ANKH: variants seen among roughly 807,000 people sequenced by gnomAD.
The protein encoded by ANKH is ANKH inorganic pyrophosphate transport regulator.
Under a neutral mutation model 49.0 loss-of-function variants are expected in ANKH, and 15 were observed. The ratio of observed to expected loss-of-function variants is 0.31; its 90% CI spans 0.20 to 0.47. ANKH has a LOEUF of 0.47. Ranked by LOEUF, ANKH falls within the 20% of genes least tolerant of loss-of-function variation. The pLI is 1.00. For missense variants in ANKH, 429 were observed against 652.0 expected (o/e 0.66, Z 3.72); for synonymous variants, 273 against 260.0 (o/e 1.05, Z -0.48).
intron 1 of ANKH, among the ~76,000 whole-genome samples, chr5:14,814,781 G>A (rs909231857): frequency 3.3e-5 from 5 of 152,290 alleles, no homozygotes; most frequent in African/African-American, 1.2e-4. Flanking sequence ...TCTATCTGAG[G>A]AGGGCACACT....
At chr5:14,781,045 A>G (rs760784796) in intron 1 of ANKH, among the ~76,000 whole-genome samples, 1 of 152,166 alleles carries the variant, frequency 6.6e-6, no homozygotes, top group Non-Finnish European at 1.5e-5. Context: ...AGAATCAGCA[A>G]TTTCGGATTT....
At position 14,709,903 on chromosome 5, in the gene ANKH, T is replaced by G. The variant is rs1305399749; in HGVS notation, c.*1294A>C. ...ATTACATAACATATACAGCATATAT[T>G]TATATCTTTAAAATATTTTTTTTTT... is the stretch of plus-strand genomic sequence containing the variant. On this transcript the variant is annotated 3_prime_UTR_variant, in exon 12 of 12. Coordinates refer to ENST00000284268, the MANE Select transcript of ANKH (RefSeq NM_054027.6). 1 of 152,602 alleles carries G rather than the reference T, an allele frequency of 6.6e-6. No individual in the cohort carries two copies. Among genetic ancestry groups the G allele is most frequent in the African/African-American group, 2.4e-5 (1 of 41,458 alleles). The allele number at this position is 152,602 out of a possible 1,614,324, so 9.5% of individuals were successfully genotyped here. A position where few individuals can be genotyped will look rare whatever the true frequency, so the allele number is the denominator to read the frequency against.
rs747630600 is a variant in ANKH, at chr5:14,711,155, T to G, written c.*42A>C. 6 of 1,500,406 alleles carry G rather than the reference T, an allele frequency of 4.0e-6. No homozygotes were observed. In the East Asian group the frequency reaches 1.4e-4, roughly 34 times the overall value. 92.9% of individuals were successfully genotyped at this position (1,500,406 alleles called of 1,614,324 possible). ...GGGAAGAGATGATGCCGAAGTGTCA[T>G]CCTGACTGACTGTCCCTGCAGTGCC... On this transcript the variant is annotated 3_prime_UTR_variant, in exon 12 of 12. Coordinates refer to ENST00000284268, the MANE Select transcript of ANKH (RefSeq NM_054027.6).
intron 1 of ANKH, among the ~76,000 whole-genome samples, chr5:14,841,040 G>C (rs1741800838): frequency 6.6e-6 from 1 of 152,114 alleles, no homozygotes; most frequent in Non-Finnish European, 1.5e-5. Flanking sequence ...TTTTGAGCGG[G>C]GATATATATG....
chr5:14,730,679 C>G (rs531048361), intron 8 of ANKH, among the ~76,000 whole-genome samples: 2 of 152,264 alleles, frequency 1.3e-5, no homozygotes, highest in South Asian at 4.1e-4. Context: ...AGGATGGGGC[C>G]GACGTGTATG....
At chr5:14,858,763 TAAAA>T (rs993758463) in intron 1 of ANKH, among the ~76,000 whole-genome samples, 2 of 142,054 alleles carry the variant, frequency 1.4e-5, no homozygotes, top group Admixed American at 7.0e-5. Flanking sequence ...ATAAATAAAA[TAAAA>T]TAAAATATAT....
At chr5:14,813,962 G>C (rs258218) in intron 1 of ANKH, among the ~76,000 whole-genome samples, 94,566 of 151,880 alleles carry the variant, frequency 0.62, 29,855 homozygotes, top group East Asian at 0.84. Flanking sequence ...AAGCATCACA[G>C]CTGCCACTTC....
At chr5:14,839,803 T>C (rs1047877571) in intron 1 of ANKH, among the ~76,000 whole-genome samples, 8 of 152,182 alleles carry the variant, frequency 5.3e-5, no homozygotes, top group Admixed American at 2.0e-4. Context: ...TTTGAGGGTG[T>C]CTGTGGGACA....
At position 14,705,319 on chromosome 5, in the gene ANKH, A is replaced by G. The variant is rs894096646; in HGVS notation, c.*5878T>C. 1 of 152,218 alleles carries G rather than the reference A, an allele frequency of 6.6e-6. No homozygotes were observed. Among genetic ancestry groups the G allele is most frequent in the Non-Finnish European group, 1.5e-5 (1 of 68,040 alleles). The allele number at this position is 152,218 out of a possible 1,614,324, so 9.4% of individuals were successfully genotyped here. A position where few individuals can be genotyped will look rare whatever the true frequency, so the allele number is the denominator to read the frequency against. The stretch of plus-strand genomic sequence containing the variant: ...AAAATCTAGATCACTGCTAATGTTC[A>G]GATCTGAAATGAAGAATGAGGTGAT... On this transcript the variant is annotated 3_prime_UTR_variant, in exon 12 of 12. Coordinates refer to ENST00000284268, the MANE Select transcript of ANKH (RefSeq NM_054027.6).
intron 1 of ANKH, among the ~76,000 whole-genome samples, chr5:14,787,280 C>G (rs990112854): frequency 6.6e-6 from 1 of 151,572 alleles, no homozygotes; most frequent in Non-Finnish European, 1.5e-5. Flanking sequence ...CGCCATTGCA[C>G]TCCAGCCTGG....
chr5:14,834,192 G>A (rs1015265969), intron 1 of ANKH, among the ~76,000 whole-genome samples: 6 of 152,048 alleles, frequency 3.9e-5, no homozygotes, highest in African/African-American at 1.4e-4. Flanking sequence ...CAAGAGCTCT[G>A]CTGTCTGACC....
rs1040216481 is a variant in ANKH at position 14,803,541 on chromosome 5, A to G, written c.97-34350T>C. Among the ~76,000 whole-genome samples the G allele has an allele frequency of 3.9e-5, 6 of 152,248 alleles. No individual in the cohort carries two copies. The South Asian group carries it at 1.2e-3, about 32-fold the overall frequency. On this transcript the variant is annotated intron_variant, in intron 1 of 11. Coordinates refer to ENST00000284268, the MANE Select transcript of ANKH (RefSeq NM_054027.6). Reference sequence around the variant, plus strand: ...GTGATCCACCTGCCTCAGCCTCCCAAAGTACTGGGATTACAGGCATAAGCC... The same window carrying G: ...GTGATCCACCTGCCTCAGCCTCCCAGAGTACTGGGATTACAGGCATAAGCC...
chr5:14,782,462 A>C (rs908575619), intron 1 of ANKH, among the ~76,000 whole-genome samples: 2 of 152,176 alleles, frequency 1.3e-5, no homozygotes, highest in Non-Finnish European at 2.9e-5. Context: ...TCATTCTATT[A>C]TACTAAAACC....
chr5:14,782,664 G>C (rs902188170), intron 1 of ANKH, among the ~76,000 whole-genome samples: 1 of 152,050 alleles, frequency 6.6e-6, no homozygotes. Context: ...CAAGCATTAC[G>C]GCGCAGATGT....
chr5:14,834,062 A>G (rs1009677300), intron 1 of ANKH, among the ~76,000 whole-genome samples: 6 of 152,210 alleles, frequency 3.9e-5, no homozygotes, highest in Admixed American at 3.9e-4. Flanking sequence ...ATCCACTGGC[A>G]TCTTTAAAGT....
chr5:14,823,932 A>AAAAC (rs929703777), intron 1 of ANKH, among the ~76,000 whole-genome samples: 6 of 152,182 alleles, frequency 3.9e-5, no homozygotes, highest in South Asian at 2.1e-4. Context: ...TCCATCTCAA[A>AAAAC]AAACAAACAA....
intron 5 of ANKH, 95 bp downstream of exon 5, chr5:14,750,974 T>G: frequency 6.7e-7 from 1 of 1,502,616 alleles, no homozygotes; most frequent in Non-Finnish European, 9.2e-7. Flanking sequence ...ACTTCATGTT[T>G]TGATGTCACT....
At chr5:14,838,187 C>A (rs573749875) in intron 1 of ANKH, among the ~76,000 whole-genome samples, 3 of 152,196 alleles carry the variant, frequency 2.0e-5, no homozygotes, top group Admixed American at 2.0e-4. Context: ...GGGTGCAGCA[C>A]ACCAACATGG....
At chr5:14,744,479 T>G (rs765647555) in intron 7 of ANKH, among the ~76,000 whole-genome samples, 42 of 152,206 alleles carry the variant, frequency 2.8e-4, no homozygotes, top group Non-Finnish European at 5.6e-4. Context: ...AGACAGGTGA[T>G]AGAGACAGGG....
Sources: gnomAD v4.1 joint callset for allele counts (sites outside exome capture counted in the v4.1 genomes callset) on GRCh38, gnomAD v4.1.1 for gene constraint, MANE v1.5 for transcripts, NCBI Gene and HGNC (gene_info 2026-07-23, HGNC 2026-07-21) for gene names.